THSD7A: variants seen among roughly 807,000 people sequenced by gnomAD.
THSD7A encodes the protein thrombospondin type-1 domain-containing protein 7A.
Under a neutral mutation model 231.3 loss-of-function variants are expected in THSD7A, and 96 were observed. The ratio of observed to expected loss-of-function variants is 0.41; its 90% CI spans 0.35 to 0.49. The LOEUF (loss-of-function observed/expected upper bound fraction) is 0.49, where lower values mean the gene tolerates loss of function less well. Ranked by LOEUF, THSD7A falls within the 20% of genes least tolerant of loss-of-function variation. THSD7A has a pLI of 0.05. For synonymous variants in THSD7A, 940 were observed against 743.3 expected (o/e 1.26, Z -4.30); for missense variants, 2,290 against 2,070.2 (o/e 1.11, Z -2.06).
At chr7:11,502,455 T>C (rs571178081) in intron 6 of THSD7A, among the ~76,000 whole-genome samples, 1 of 152,134 alleles carries the variant, frequency 6.6e-6, no homozygotes, top group Non-Finnish European at 1.5e-5. Flanking sequence ...GTAGGCTTCA[T>C]CCCCAGGATA....
chr7:11,769,122 A>ATATATATATATATATATATATATATAT (rs1491347103), intron 1 of THSD7A, among the ~76,000 whole-genome samples: 4 of 35,892 alleles, frequency 1.1e-4, no homozygotes, highest in African/African-American at 3.1e-4. Context: ...AATTCCTGGC[A>ATATATATATATATATATATATATATAT]ATATATATAT....
chr7:11,777,401 G>A (rs10255210), intron 1 of THSD7A, among the ~76,000 whole-genome samples: 87,115 of 150,112 alleles, frequency 0.58, 25,416 homozygotes, highest in East Asian at 0.73. Flanking sequence ...CTATGTTTCA[G>A]ATGTAAATTA....
chr7:11,375,968 G>T, intron 27 of THSD7A, 90 bp from the exon 28 acceptor site: 2 of 1,245,574 alleles, frequency 1.6e-6, no homozygotes, highest in Non-Finnish European at 2.3e-6. Context: ...AAAGCAAATT[G>T]ATAAACTGAA....
chr7:11,398,207 T>TA (rs36048012), intron 23 of THSD7A, among the ~76,000 whole-genome samples: 56,790 of 151,828 alleles, frequency 0.37, 10,992 homozygotes, highest in African/African-American at 0.47. Flanking sequence ...TATGCAGCCA[T>TA]AAAAAAGGAT....
chr7:11,490,937 C>T (rs78708911), intron 6 of THSD7A, among the ~76,000 whole-genome samples: 1,739 of 152,160 alleles, frequency 0.011, 17 homozygotes, highest in Non-Finnish European at 0.017. Context: ...TTCAATATGA[C>T]AGCAGCATGA....
chr7:11,543,550 T>A (rs1224476638), intron 4 of THSD7A, among the ~76,000 whole-genome samples: 2 of 152,196 alleles, frequency 1.3e-5, no homozygotes, highest in African/African-American at 2.4e-5. Context: ...GAGTAGTTCC[T>A]GGTGGAGAAC....
At position 11,534,798 on chromosome 7, in the gene THSD7A, T is replaced by C. The variant is rs1211584387; in HGVS notation, c.1822+6621A>G. 2.6e-5 allele frequency among the ~76,000 whole-genome samples: 4 copies of C among 152,196 alleles called. No individual in the cohort carries two copies. In the East Asian group the frequency reaches 7.7e-4, roughly 29 times the overall value. ...TGAGGAATGCATCTGTTGGGTTTAA[T>C]AACTAAACTCCTGCCTAATTTAACT... On this transcript the variant is annotated intron_variant, in intron 6 of 27. Transcript: ENST00000423059.
chr7:11,725,038 C>T (rs183774614), intron 1 of THSD7A, among the ~76,000 whole-genome samples: 32 of 151,960 alleles, frequency 2.1e-4, no homozygotes, highest in Middle Eastern at 3.4e-3. Context: ...AGAAGATCCA[C>T]GTAACTCTTC....
At chr7:11,604,973 G>A (rs1413970743) in intron 2 of THSD7A, among the ~76,000 whole-genome samples, 3 of 151,988 alleles carry the variant, frequency 2.0e-5, no homozygotes. Flanking sequence ...TGTTACTGCT[G>A]CATCATACAC....
In THSD7A at chr7:11,565,013, T is replaced by C. The variant is rs141216495; in HGVS notation, c.1454-21896A>G. On this transcript the variant is annotated intron_variant, in intron 4 of 27. Transcript: ENST00000423059. ...TCTACTATGGGGATGTACCATCTGT[T>C]GCAACACTGCAAATATGGAGAGTCT... Among the ~76,000 whole-genome samples the C allele has an allele frequency of 3.9e-5, 6 of 152,290 alleles. No homozygotes were observed. The East Asian group carries it at 1.2e-3, about 29-fold the overall frequency.
At chr7:11,455,258 G>C in intron 11 of THSD7A, among the ~76,000 whole-genome samples, 1 of 152,030 alleles carries the variant, frequency 6.6e-6, no homozygotes, top group Admixed American at 6.6e-5. Context: ...AGAACTGTGA[G>C]AAATAAATTT....
intron 6 of THSD7A, among the ~76,000 whole-genome samples, chr7:11,499,797 C>T (rs1036856294): frequency 2.0e-5 from 3 of 152,132 alleles, no homozygotes; most frequent in South Asian, 2.1e-4. Flanking sequence ...ATAATCAAAA[C>T]ATCTGCGAAG....
At chr7:11,684,854 C>T (rs964179275) in intron 1 of THSD7A, among the ~76,000 whole-genome samples, 47 of 151,920 alleles carry the variant, frequency 3.1e-4, no homozygotes, top group African/African-American at 1.0e-3. Flanking sequence ...GCCATTCTTC[C>T]CAGACTTAGA....
intron 1 of THSD7A, among the ~76,000 whole-genome samples, chr7:11,754,117 C>T (rs935973062): frequency 5.9e-5 from 9 of 151,894 alleles, no homozygotes; most frequent in Non-Finnish European, 8.8e-5. Context: ...TCCCAGGAAG[C>T]CCCTATTTCA....
Position 11,374,190 on chromosome 7 carries a change from G to A in THSD7A, c.*1604C>T, listed in dbSNP as rs1402313912. On this transcript the variant is annotated 3_prime_UTR_variant, in exon 28 of 28. Transcript: ENST00000423059. The stretch of plus-strand genomic sequence containing the variant: ...CCTACTGGCTGTTTTTGTAAGGGAA[G>A]TTATATAGGAAAACAGTTATGTTCA... 2.6e-5 allele frequency: 4 copies of A among 152,106 alleles called. No homozygotes were observed. Among genetic ancestry groups the A allele is most frequent in the Non-Finnish European group, 5.9e-5 (4 of 67,988 alleles). 9.4% of individuals were successfully genotyped at this position (152,106 alleles called of 1,614,324 possible). A position where few individuals can be genotyped will look rare whatever the true frequency, so the allele number is the denominator to read the frequency against.
chr7:11,375,521 C>T lies in THSD7A; in HGVS notation c.*273G>A, dbSNP rs75371269. ...TTAGAGATGAAAGTGGTTTTTCAGT[C>T]GGTAGATTTCAGAAAAGATGACATA... On this transcript the variant is annotated 3_prime_UTR_variant, in exon 28 of 28. Transcript: ENST00000423059. The T allele has an allele frequency of 1.6e-3, 431 of 276,378 alleles. No individual in the cohort carries two copies. Among genetic ancestry groups the T allele is most frequent in the African/African-American group, 7.1e-3 (322 of 45,602 alleles). 17.1% of individuals were successfully genotyped at this position (276,378 alleles called of 1,614,324 possible).
intron 1 of THSD7A, among the ~76,000 whole-genome samples, chr7:11,769,138 TATATATA>T (rs1562541234): frequency 6.7e-5 from 4 of 59,278 alleles, no homozygotes; most frequent in African/African-American, 1.1e-4. Flanking sequence ...TATATATATA[TATATATA>T]TATATATATT....
chr7:11,724,301 G>A (rs1029253789), intron 1 of THSD7A, among the ~76,000 whole-genome samples: 2 of 151,904 alleles, frequency 1.3e-5, no homozygotes, highest in Admixed American at 1.3e-4. Context: ...TCAATGTAGT[G>A]CAAAGTCTTC....
chr7:11,784,303 T>A (rs1275827260), intron 1 of THSD7A, among the ~76,000 whole-genome samples: 1 of 151,812 alleles, frequency 6.6e-6, no homozygotes, highest in Non-Finnish European at 1.5e-5. Context: ...GCTTCCTGAA[T>A]TTTGGGATGC....
Sources: gnomAD v4.1 joint callset for allele counts (sites outside exome capture counted in the v4.1 genomes callset) on GRCh38, gnomAD v4.1.1 for gene constraint, MANE v1.5 for transcripts, NCBI Gene and HGNC (gene_info 2026-07-23, HGNC 2026-07-21) for gene names.